The following MYB variants were observed in gnomAD, a reference collection of about 807,000 sequenced individuals.
MYB encodes MYB proto-oncogene, transcription factor.
MYB carries 28 observed loss-of-function variants against 92.9 expected under a neutral mutation model. The ratio of observed to expected loss-of-function variants is 0.30; its 90% CI spans 0.22 to 0.41. The LOEUF is 0.41. Among genes scored for constraint, MYB ranks in the 10% least tolerant of loss-of-function variants. MYB has a pLI of 1.00. For missense variants in MYB, 679 were observed against 929.3 expected (o/e 0.73, Z 3.50); for synonymous variants, 295 against 329.1 (o/e 0.90, Z 1.12).
chr6:135,181,465 C>T lies in MYB; in HGVS notation c.-49C>T, dbSNP rs1775019961. 2.7e-6 allele frequency: 3 copies of T among 1,111,966 alleles called. 1 individual carries two copies. The South Asian group carries it at 1.1e-4, about 41-fold the overall frequency. The allele number at this position is 1,111,966 out of a possible 1,614,324, so 68.9% of individuals were successfully genotyped here. Reference sequence around the variant, plus strand: ...GGCGGCGGGCAGCGGGAGGCGGCAGCCCGGTGCGGTCCCCGCGGCTCTCGG... The same window carrying T: ...GGCGGCGGGCAGCGGGAGGCGGCAGTCCGGTGCGGTCCCCGCGGCTCTCGG... On this transcript the variant is annotated 5_prime_UTR_variant, in exon 1 of 16. Coordinates refer to ENST00000341911, the MANE Select transcript of MYB (RefSeq NM_001130173.2). The surrounding 1 kb of genome is among the most constrained non-coding windows in gnomAD (Gnocchi z 5.3).
At chr6:135,193,747 TCAGTCCC>T in intron 6 of MYB, 84 bp from the exon 7 acceptor site, 1 of 775,070 alleles carries the variant, frequency 1.3e-6, no homozygotes, top group Non-Finnish European at 2.1e-6. Context: ...TTTTTTTCTC[TCAGTCCC>T]AGAACGAAAC....
intron 15 of MYB, chr6:135,203,871 A>G: frequency 8.3e-7 from 1 of 1,200,996 alleles, no homozygotes; most frequent in Non-Finnish European, 1.1e-6. Context: ...AGGTTTTAAT[A>G]TCAAAAGAGA....
chr6:135,183,265 G>A (rs1003418492), intron 1 of MYB, among the ~76,000 whole-genome samples: 3 of 152,070 alleles, frequency 2.0e-5, no homozygotes, highest in African/African-American at 7.2e-5. Context: ...AAGGGCGAGC[G>A]TCAACTCGGC....
In MYB at chr6:135,218,511, A is replaced by G; in HGVS notation, c.*531A>G. 5.4e-6 allele frequency: 1 copy of G among 183,944 alleles called. No individual in the cohort carries two copies. Among genetic ancestry groups the G allele is most frequent in the East Asian group, 8.9e-5 (1 of 11,214 alleles). The allele number at this position is 183,944 out of a possible 1,614,324, so 11.4% of individuals were successfully genotyped here. A position where few individuals can be genotyped will look rare whatever the true frequency, so the allele number is the denominator to read the frequency against. The stretch of plus-strand genomic sequence containing the variant: ...CATTGAAGGTACATTTATTGTACCA[A>G]ACCATTTTATGAGTTTTCTGTTAGC... On this transcript the variant is annotated 3_prime_UTR_variant, in exon 16 of 16. Coordinates refer to ENST00000341911, the MANE Select transcript of MYB (RefSeq NM_001130173.2).
chr6:135,205,805 C>T (rs925404385), intron 15 of MYB, among the ~76,000 whole-genome samples: 2 of 152,226 alleles, frequency 1.3e-5, no homozygotes, highest in Non-Finnish European at 2.9e-5. Context: ...CTCAGTGGCT[C>T]ATGCCTGTAA....
Position 135,181,472 on chromosome 6 carries a change from C to T in MYB, c.-42C>T. 3 of 1,110,366 alleles carry T rather than the reference C, an allele frequency of 2.7e-6. No homozygotes were observed. The highest frequency in any genetic ancestry group is 1.7e-5 in the African/African-American group (1 of 60,006). 68.8% of individuals were successfully genotyped at this position (1,110,366 alleles called of 1,614,324 possible). Reference sequence around the variant, plus strand: ...GGCAGCGGGAGGCGGCAGCCCGGTGCGGTCCCCGCGGCTCTCGGCGGAGCC... The same window carrying T: ...GGCAGCGGGAGGCGGCAGCCCGGTGTGGTCCCCGCGGCTCTCGGCGGAGCC... On this transcript the variant is annotated 5_prime_UTR_variant, in exon 1 of 16. Coordinates refer to ENST00000341911, the MANE Select transcript of MYB (RefSeq NM_001130173.2). The surrounding 1 kb of genome is among the most constrained non-coding windows in gnomAD (Gnocchi z 5.3).
intron 5 of MYB, among the ~76,000 whole-genome samples, chr6:135,192,007 T>G (rs774990798): frequency 6.6e-6 from 1 of 152,232 alleles, no homozygotes; most frequent in Non-Finnish European, 1.5e-5. Flanking sequence ...GTTGGAGTCT[T>G]GTACCGCGAC....
chr6:135,182,343 C>G lies in MYB; in HGVS notation c.23+807C>G, dbSNP rs556453005. Among the ~76,000 whole-genome samples, 17 of 152,308 alleles carry G rather than the reference C, an allele frequency of 1.1e-4. No individual in the cohort carries two copies. Among genetic ancestry groups the G allele is most frequent in the East Asian group, 3.9e-4 (2 of 5,164 alleles). ...ATCCTCGTCCGAACTGTCAGTTGCT[C>G]GTTCCCCAGTCTCCACCGGCCTCTG... On this transcript the variant is annotated intron_variant, in intron 1 of 15. Coordinates refer to ENST00000341911, the MANE Select transcript of MYB (RefSeq NM_001130173.2). The surrounding 1 kb of genome is among the most constrained non-coding windows in gnomAD (Gnocchi z 5.6).
Position 135,192,484 on chromosome 6 carries a change from G to A in MYB, c.688G>A (p.Ala230Thr). ...GGGTTTTGCTCAGGCTCCGCCTACA[G>A]CTCAACTCCCTGCCACTGGCCAGCC... is the stretch of plus-strand genomic sequence containing the variant. The part of the protein sequence containing the change: ...LMGFAQAPPT[A>T]QLPATGQPTV... The change falls in exon 6 of 16, where the codon GCT becomes ACT. Residue 230 changes from alanine (A) to threonine (T), a missense_variant. Physicochemically the swap from Ala to Thr is moderately conservative, Grantham distance 58. This residue lies in a region of MYB where 32 missense variants were observed against 29.9 expected (regional missense o/e 1.07). Transcript: ENST00000341911. 1.2e-6 allele frequency: 2 copies of A among 1,614,238 alleles called. No homozygotes were observed. Among genetic ancestry groups the A allele is most frequent in the Non-Finnish European group, 1.7e-6 (2 of 1,180,050 alleles).
chr6:135,191,606 C>T (rs1483093048), intron 5 of MYB, among the ~76,000 whole-genome samples: 1 of 152,174 alleles, frequency 6.6e-6, no homozygotes, highest in Non-Finnish European at 1.5e-5. Flanking sequence ...CTTTAGCATA[C>T]ATTCCCCCAC....
chr6:135,216,063 TTGTTTC>T (rs1296035920), intron 15 of MYB, among the ~76,000 whole-genome samples: 3 of 150,212 alleles, frequency 2.0e-5, no homozygotes, highest in Non-Finnish European at 2.9e-5. Context: ...TTATATCTGT[TTGTTTC>T]TGTTCCCCTC....
intron 15 of MYB, among the ~76,000 whole-genome samples, chr6:135,208,041 T>C (rs1779192000): frequency 6.6e-6 from 1 of 151,144 alleles, no homozygotes; most frequent in African/African-American, 2.4e-5. Context: ...TCATCTCTTT[T>C]TTATGAAGTT....
At chr6:135,186,889 CTCT>C (rs1286373945) in intron 2 of MYB, among the ~76,000 whole-genome samples, 1 of 152,220 alleles carries the variant, frequency 6.6e-6, no homozygotes, top group Non-Finnish European at 1.5e-5. Flanking sequence ...ATGGTATTGG[CTCT>C]TCTTCAGTTT....
rs1291788624 is a variant in MYB at position 135,190,723 on chromosome 6, G to C, written c.527+376G>C. 6.6e-6 allele frequency among the ~76,000 whole-genome samples: 1 copy of C among 152,170 alleles called. No homozygotes were observed. The highest frequency in any genetic ancestry group is 2.4e-5 in the African/African-American group (1 of 41,440). Reference sequence around the variant, plus strand: ...CAGTTTGTCTCTGGCAGTTCACGTAGCTGGTTAAGTTACTCAAAGGAACTC... The same window carrying C: ...CAGTTTGTCTCTGGCAGTTCACGTACCTGGTTAAGTTACTCAAAGGAACTC... On this transcript the variant is annotated intron_variant, in intron 5 of 15. Coordinates refer to ENST00000341911, the MANE Select transcript of MYB (RefSeq NM_001130173.2). The surrounding 1 kb of genome is among the most constrained non-coding windows in gnomAD (Gnocchi z 4.5).
At chr6:135,208,309 C>A (rs1053996249) in intron 15 of MYB, among the ~76,000 whole-genome samples, 44 of 151,708 alleles carry the variant, frequency 2.9e-4, no homozygotes, top group African/African-American at 1.0e-3. Flanking sequence ...AATCTCCTGA[C>A]CTCATGATCG....
chr6:135,207,574 C>T (rs999693566), intron 15 of MYB, among the ~76,000 whole-genome samples: 2 of 152,150 alleles, frequency 1.3e-5, no homozygotes, highest in African/African-American at 4.8e-5. Flanking sequence ...TATAAATGCA[C>T]ATGCAATATA....
chr6:135,199,935 A>T, intron 11 of MYB, 150 bp from the exon 12 acceptor site: 1 of 637,678 alleles, frequency 1.6e-6, no homozygotes, highest in Non-Finnish European at 2.7e-6. Flanking sequence ...TCTTTTTCTT[A>T]ACGAATAACG....
intron 3 of MYB, among the ~76,000 whole-genome samples, chr6:135,188,381 C>T (rs1046557679): frequency 1.7e-4 from 26 of 152,144 alleles, no homozygotes; most frequent in African/African-American, 5.8e-4. Flanking sequence ...TAGTCAGTCC[C>T]GTCCTTTTCA....
At chr6:135,204,451 A>T (rs1366219881) in intron 15 of MYB, among the ~76,000 whole-genome samples, 1 of 152,168 alleles carries the variant, frequency 6.6e-6, no homozygotes, top group Non-Finnish European at 1.5e-5. Context: ...GGTGTGAGCC[A>T]CCGGCAACCC....
Sources: gnomAD v4.1 joint callset for allele counts (sites outside exome capture counted in the v4.1 genomes callset) on GRCh38, gnomAD v4.1.1 for gene constraint, gnomAD v4.1.1 regional missense constraint, Gnocchi (gnomAD v3.1) non-coding constraint, MANE v1.5 for transcripts, NCBI Gene and HGNC (gene_info 2026-07-23, HGNC 2026-07-21) for gene names.